The following TMCO4 variants were observed in gnomAD, a reference collection of about 807,000 sequenced individuals.
TMCO4 encodes the protein transmembrane and coiled-coil domain-containing protein 4.
TMCO4 carries 58 observed loss-of-function variants against 64.7 expected under a neutral mutation model. The observed-to-expected ratio is 0.90, with a 90% CI of 0.73 to 1.12. The LOEUF (loss-of-function observed/expected upper bound fraction) is 1.12, where lower values mean the gene tolerates loss of function less well. Among genes scored for constraint, TMCO4 ranks in the 50% most tolerant of loss-of-function variants. TMCO4 has a pLI of 0.00. For synonymous variants in TMCO4, 325 were observed against 346.1 expected (o/e 0.94, Z 0.68); for missense variants, 780 against 825.9 (o/e 0.94, Z 0.68).
chr1:19,764,477 G>A (rs919203283), intron 6 of TMCO4, among the ~76,000 whole-genome samples: 32 of 152,216 alleles, frequency 2.1e-4, no homozygotes, highest in African/African-American at 7.0e-4. Flanking sequence ...TGCCTCACAC[G>A]GGGCCGGGCA....
Position 19,715,994 on chromosome 1 carries a change from G to A in TMCO4, c.1265-15109C>T, listed in dbSNP as rs2095353917. Among the ~76,000 whole-genome samples the A allele has an allele frequency of 2.0e-5, 3 of 152,122 alleles. No individual in the cohort carries two copies. The South Asian group carries it at 6.2e-4, about 32-fold the overall frequency. ...GGGCTTAGCCCTGCCTGGAGGGCAA[G>A]GCCATTTGGGTAAACCCTCAACTAT... On this transcript the variant is annotated intron_variant, in intron 13 of 15. Transcript: ENST00000294543.
chr1:19,700,790 T>C lies in TMCO4; in HGVS notation c.1360A>G (p.Arg454Gly). 1 of 1,614,188 alleles carries C rather than the reference T, an allele frequency of 6.2e-7. No homozygotes were observed. Among genetic ancestry groups the C allele is most frequent in the Non-Finnish European group, 8.5e-7 (1 of 1,180,010 alleles). ...GACCTGCAGTAGCCGTTGATGATCC[T>C]CCCGGACACCACCTTCCGGAAAGGC... is the stretch of plus-strand genomic sequence containing the variant. The part of the protein sequence containing the change: ...WEPFRKVVSG[R>G]IINGYCRGDW... The change falls in exon 14 of 16, where the codon AGG becomes GGG. Residue 454 changes from arginine to glycine, a missense_variant. Physicochemically the swap from Arg to Gly is moderately radical, Grantham distance 125. Transcript: ENST00000294543.
At chr1:19,703,970 C>T (rs6698258) in intron 13 of TMCO4, among the ~76,000 whole-genome samples, 53,777 of 152,118 alleles carry the variant, frequency 0.35, 10,255 homozygotes, top group South Asian at 0.43. Flanking sequence ...CTGAGCGACA[C>T]AGGACAGACA....
intron 13 of TMCO4, 60 bp downstream of exon 13, chr1:19,737,312 A>T: frequency 6.5e-7 from 1 of 1,536,568 alleles, no homozygotes; most frequent in Non-Finnish European, 9.0e-7. Flanking sequence ...GGCCCAGAAC[A>T]TCTGTCCCTG....
intron 2 of TMCO4, among the ~76,000 whole-genome samples, chr1:19,788,502 T>A (rs2101113108): frequency 6.6e-6 from 1 of 152,318 alleles, no homozygotes; most frequent in South Asian, 2.1e-4. Context: ...ATTTTAATTT[T>A]TTTATATATC....
rs995672379 is a variant in TMCO4 at position 19,739,366 on chromosome 1, A to C, written c.1179+458T>G. 2.0e-5 allele frequency among the ~76,000 whole-genome samples: 3 copies of C among 152,228 alleles called. No homozygotes were observed. The East Asian group carries it at 5.8e-4, about 29-fold the overall frequency. On this transcript the variant is annotated intron_variant, in intron 12 of 15. Transcript: ENST00000294543. ...AGTAGCTTTATACTTCTGGGAAGGA[A>C]CACCAGGCCACCAGCATGTGGGAAT...
chr1:19,685,712 T>TTTTTTTC (rs2095142810), intron 15 of TMCO4, among the ~76,000 whole-genome samples: 2 of 35,086 alleles, frequency 5.7e-5, no homozygotes, highest in African/African-American at 2.6e-4. Context: ...GCCTGTTTCT[T>TTTTTTTC]TTTTTTTTTT....
At chr1:19,723,028 C>T (rs1486314815) in intron 13 of TMCO4, among the ~76,000 whole-genome samples, 4 of 152,150 alleles carry the variant, frequency 2.6e-5, no homozygotes, top group Admixed American at 6.5e-5. Flanking sequence ...ATCAGGAAGC[C>T]GGACTGCAGG....
chr1:19,786,841 G>C (rs748344285), intron 3 of TMCO4, among the ~76,000 whole-genome samples, 185 bp downstream of exon 3: 3 of 152,042 alleles, frequency 2.0e-5, no homozygotes, highest in Admixed American at 2.0e-4. Context: ...ACCTCTTAAC[G>C]GGTTAAATGA....
chr1:19,682,549 C>T lies in TMCO4; in HGVS notation c.*491G>A, dbSNP rs536172548. 36 of 712,604 alleles carry T rather than the reference C, an allele frequency of 5.1e-5. No homozygotes were observed. Among genetic ancestry groups the T allele is most frequent in the South Asian group, 4.9e-4 (33 of 67,252 alleles). 44.1% of individuals were successfully genotyped at this position (712,604 alleles called of 1,614,324 possible). A position where few individuals can be genotyped will look rare whatever the true frequency, so the allele number is the denominator to read the frequency against. On this transcript the variant is annotated 3_prime_UTR_variant, in exon 16 of 16. Transcript: ENST00000294543. Reference sequence around the variant, plus strand: ...TGCCTTCTTTGTACCTGCGCCTGCTCTGTTGCTGCCAGTTGATGGTGCCTG... The same window carrying T: ...TGCCTTCTTTGTACCTGCGCCTGCTTTGTTGCTGCCAGTTGATGGTGCCTG...
chr1:19,685,418 C>G (rs149636969), intron 15 of TMCO4, among the ~76,000 whole-genome samples: 2 of 152,314 alleles, frequency 1.3e-5, no homozygotes, highest in African/African-American at 4.8e-5. Context: ...TCAGAAGTGG[C>G]CACCCCCTTC....
At chr1:19,772,032 G>A (rs2043007575) in intron 4 of TMCO4, among the ~76,000 whole-genome samples, 1 of 152,208 alleles carries the variant, frequency 6.6e-6, no homozygotes, top group Admixed American at 6.5e-5. Flanking sequence ...AGCAATGACA[G>A]CAATGGATGG....
chr1:19,756,491 G>A (rs577633484), intron 6 of TMCO4, among the ~76,000 whole-genome samples: 4 of 152,126 alleles, frequency 2.6e-5, no homozygotes, highest in Middle Eastern at 3.4e-3. Context: ...GAAAACAACC[G>A]TAAATGCAGA....
rs564469249 is a variant in TMCO4 at position 19,701,013 on chromosome 1, C to A, written c.1265-128G>T. The A allele has an allele frequency of 6.3e-5, 46 of 732,520 alleles. No homozygotes were observed. In the East Asian group the frequency reaches 1.2e-3, roughly 19 times the overall value. The allele number at this position is 732,520 out of a possible 1,614,324, so 45.4% of individuals were successfully genotyped here. A position where few individuals can be genotyped will look rare whatever the true frequency, so the allele number is the denominator to read the frequency against. ...ATGCACACACGTGAACGTGGACAATCATGTGCAAATGTGCATGTACACACA... is the reference window on the plus strand; with the variant it reads ...ATGCACACACGTGAACGTGGACAATAATGTGCAAATGTGCATGTACACACA... On this transcript the variant is annotated intron_variant, in intron 13 of 15. Coordinates refer to ENST00000294543, the MANE Select transcript of TMCO4 (RefSeq NM_181719.7).
rs747221376 is a variant in TMCO4, at chr1:19,771,366, A to C, written c.296T>G (p.Phe99Cys). 6 of 1,614,056 alleles carry C rather than the reference A, an allele frequency of 3.7e-6. No homozygotes were observed. The highest frequency in any genetic ancestry group is 2.7e-5 in the African/African-American group (2 of 74,906). The change falls in exon 5 of 16, where the codon TTT (phenylalanine) becomes TGT (cysteine). Residue 99 changes from phenylalanine to cysteine, a missense_variant. Phe to Cys is a radical substitution (Grantham distance 205). Transcript: ENST00000294543. ...GGGGTCCTTCAGTAAAATTTGAACA[A>C]ACACATCTGCTCCTTCACCTCCCAG... ...SGLGGEGADV[F>C]VQILLKDPIL...
chr1:19,732,420 C>A lies in TMCO4; in HGVS notation c.1264+4952G>T, dbSNP rs1475530668. 6.6e-6 allele frequency among the ~76,000 whole-genome samples: 1 copy of A among 152,154 alleles called. No homozygotes were observed. Among genetic ancestry groups the A allele is most frequent in the Non-Finnish European group, 1.5e-5 (1 of 68,016 alleles). On this transcript the variant is annotated intron_variant, in intron 13 of 15. Transcript: ENST00000294543. The surrounding 1 kb of genome is among the most constrained non-coding windows in gnomAD (Gnocchi z 4.8). Reference sequence around the variant, plus strand: ...GGCTCAAGCAATCCTCCCACCTCAGCCTCCCAAAGTGTTGGGATTACAGGC... The same window carrying A: ...GGCTCAAGCAATCCTCCCACCTCAGACTCCCAAAGTGTTGGGATTACAGGC...
chr1:19,757,627 T>G (rs2042324049), intron 6 of TMCO4, among the ~76,000 whole-genome samples: 2 of 152,164 alleles, frequency 1.3e-5, no homozygotes, highest in African/African-American at 4.8e-5. Flanking sequence ...ACCTCCTCTC[T>G]GAACCCTCTC....
chr1:19,751,580 TG>T (rs2042018991), intron 7 of TMCO4, among the ~76,000 whole-genome samples: 1 of 152,328 alleles, frequency 6.6e-6, no homozygotes, highest in African/African-American at 2.4e-5. Flanking sequence ...CACTCCAGTC[TG>T]GGTGACAGAG....
At chr1:19,776,848 G>C (rs2043227764) in intron 4 of TMCO4, among the ~76,000 whole-genome samples, 1 of 152,008 alleles carries the variant, frequency 6.6e-6, no homozygotes, top group Admixed American at 6.6e-5. Context: ...CCAACACGGT[G>C]AAACCCCGTC....
Sources: gnomAD v4.1 joint callset for allele counts (sites outside exome capture counted in the v4.1 genomes callset) on GRCh38, gnomAD v4.1.1 for gene constraint, Gnocchi (gnomAD v3.1) non-coding constraint, MANE v1.5 for transcripts, NCBI Gene and HGNC (gene_info 2026-07-23, HGNC 2026-07-21) for gene names.